The following MRC2 variants were observed in gnomAD, a reference collection of about 807,000 sequenced individuals.
MRC2 encodes C-type mannose receptor 2.
In MRC2, 84 loss-of-function variants were observed where a neutral mutation model predicts 206.2. That is an observed-to-expected ratio of 0.41 (90% CI 0.34 to 0.49). The LOEUF (loss-of-function observed/expected upper bound fraction) is 0.49. Ranked by LOEUF, MRC2 falls within the 20% of genes least tolerant of loss-of-function variation. The pLI, the probability that MRC2 is intolerant of heterozygous loss-of-function variation, is 0.31. For synonymous variants in MRC2, 798 were observed against 800.0 expected (o/e 1.00, Z 0.04); for missense variants, 1,676 against 2,001.5 (o/e 0.84, Z 3.10).
intron 1 of MRC2, among the ~76,000 whole-genome samples, chr17:62,658,711 G>A (rs1002152419): frequency 6.6e-6 from 1 of 152,178 alleles, no homozygotes; most frequent in Non-Finnish European, 1.5e-5. Context: ...TTTGGGCTTC[G>A]TTTTCCAGTC....
chr17:62,692,228 C>T lies in MRC2; in HGVS notation c.4220-3C>T. ...GGCCTTTCACGCCCACTCGCCTTGG[C>T]AGCGCTTCCAGAGAACCCAGCGGCC... On this transcript the variant is annotated splice_region_variant and splice_polypyrimidine_tract_variant and intron_variant, in intron 29 of 29. Coordinates refer to ENST00000303375, the MANE Select transcript of MRC2 (RefSeq NM_006039.5). The surrounding 1 kb of genome is among the most constrained non-coding windows in gnomAD (Gnocchi z 4.2). 1 of 1,611,896 alleles carries T rather than the reference C, an allele frequency of 6.2e-7. No homozygotes were observed. Among genetic ancestry groups the T allele is most frequent in the Non-Finnish European group, 8.5e-7 (1 of 1,178,732 alleles).
chr17:62,665,990 C>A (rs535640656), intron 2 of MRC2, 104 bp from the exon 3 acceptor site: 2 of 1,219,088 alleles, frequency 1.6e-6, no homozygotes, highest in South Asian at 3.1e-5. Flanking sequence ...TCCCTGTGAA[C>A]ACCCAGCACT....
At chr17:62,634,201 C>T (rs1033841375) in intron 1 of MRC2, among the ~76,000 whole-genome samples, 1 of 152,120 alleles carries the variant, frequency 6.6e-6, no homozygotes, top group Non-Finnish European at 1.5e-5. Flanking sequence ...TTGACGTTGC[C>T]ATGACATTTG....
rs1016010694 is a variant in MRC2, at chr17:62,671,761, T to C, written c.1230T>C (p.Cys410=). The part of the protein sequence containing the change: ...KRSWQESKKA[C]LRGGGDLVSI... ...GCTGGCAGGAGTCCAAGAAGGCATG[T>C]CTACGGGGCGGTGGCGACCTGGTCA... The change falls in exon 7 of 30, where the codon TGT becomes TGC. Residue 410 remains cysteine (C), a synonymous_variant. Coordinates refer to ENST00000303375, the MANE Select transcript of MRC2 (RefSeq NM_006039.5). The surrounding 1 kb of genome is among the most constrained non-coding windows in gnomAD (Gnocchi z 4.5). The C allele has an allele frequency of 3.7e-6, 6 of 1,613,070 alleles. No individual in the cohort carries two copies. The highest frequency in any genetic ancestry group is 1.6e-4 in the Middle Eastern group (1 of 6,074).
Position 62,676,473 on chromosome 17 carries a change from C to T in MRC2, c.1776C>T (p.Ser592=), listed in dbSNP as rs1254445282. The T allele has an allele frequency of 1.2e-6, 2 of 1,613,224 alleles. No homozygotes were observed. Among genetic ancestry groups the T allele is most frequent in the Non-Finnish European group, 1.7e-6 (2 of 1,179,600 alleles). Residue 592 remains serine, a synonymous_variant, in exon 11 of 30, where the codon TCC becomes TCT. Coordinates refer to ENST00000303375, the MANE Select transcript of MRC2 (RefSeq NM_006039.5). The stretch of plus-strand genomic sequence containing the variant: ...TGCAGGACCTCAACAGCACCGGCTC[C>T]TTCTTCTGGCTCAGTGGGGATGAAG... ...TALQDLNSTG[S]FFWLSGDEVM...
intron 1 of MRC2, among the ~76,000 whole-genome samples, chr17:62,654,546 C>T (rs191431366): frequency 3.4e-4 from 51 of 152,222 alleles, no homozygotes; most frequent in Non-Finnish European, 5.4e-4. Context: ...GGTCAGACCT[C>T]TGGCTGCCTC....
Position 62,667,608 on chromosome 17 carries a change from C to T in MRC2, c.1117+75C>T. On this transcript the variant is annotated intron_variant, in intron 6 of 29. Transcript: ENST00000303375. This position sits in a 1 kb window ranked among gnomAD's most constrained non-coding sequence, Gnocchi z 4.1. ...GACACAGCCACAGAGCCGTGGCAGG[C>T]CCAGCCTCTCCTCCGGTTACCACCA... 2 of 1,481,946 alleles carry T rather than the reference C, an allele frequency of 1.3e-6. No homozygotes were observed. Among genetic ancestry groups the T allele is most frequent in the Admixed American group, 2.5e-5 (1 of 39,582 alleles). The allele number at this position is 1,481,946 out of a possible 1,614,324, so 91.8% of individuals were successfully genotyped here. A position where few individuals can be genotyped will look rare whatever the true frequency, so the allele number is the denominator to read the frequency against.
chr17:62,631,457 G>A (rs541480801), intron 1 of MRC2, among the ~76,000 whole-genome samples: 3 of 152,218 alleles, frequency 2.0e-5, no homozygotes, highest in South Asian at 4.1e-4. Context: ...GAGTGGTTAC[G>A]GAGCCTGAAC....
In MRC2 at chr17:62,627,905, G is replaced by C; in HGVS notation, c.103G>C (p.Asp35His). Residue 35 changes from aspartate (D) to histidine (H), a missense_variant, in exon 1 of 30, where the codon GAC (aspartate) becomes CAC (histidine). Physicochemically the swap from Asp to His is moderately conservative, Grantham distance 81 (BLOSUM62 -1). Around this residue, in one of 3 missense-constraint regions of MRC2, gnomAD observed 318 missense variants for 346.7 expected, o/e 0.92. Coordinates refer to ENST00000303375, the MANE Select transcript of MRC2 (RefSeq NM_006039.5). ...CCTCGGCCGTCCCGGCGCCCCTGGG[G>C]ACGCCGCCCTCCCGGGTAAGGCGCT... ...LHLGRPGAPG[D>H]AALPEPNVFL... 6.8e-7 allele frequency: 1 copy of C among 1,465,890 alleles called. No individual in the cohort carries two copies. The highest frequency in any genetic ancestry group is 2.5e-5 in the Admixed American group (1 of 39,720). The allele number at this position is 1,465,890 out of a possible 1,614,324, so 90.8% of individuals were successfully genotyped here.
At chr17:62,679,592 TCCAGCTCTCC>T in intron 13 of MRC2, 198 bp from the exon 14 acceptor site, 1 of 450,062 alleles carries the variant, frequency 2.2e-6, no homozygotes, top group Admixed American at 3.9e-5. Context: ...GATGGCTTGG[TCCAGCTCTCC>T]CCAGCTCTGT....
chr17:62,645,041 A>G (rs2088458507), intron 1 of MRC2, among the ~76,000 whole-genome samples: 1 of 152,198 alleles, frequency 6.6e-6, no homozygotes. Context: ...TTTTATAAAC[A>G]TGAAATGACA....
Position 62,664,425 on chromosome 17 carries a change from C to G in MRC2, c.119-123C>G. ...TGGTAGTGAGTACCGAGTGATTTAA[C>G]GTATGAGTGACGGCTCACCATCCTG... is the stretch of plus-strand genomic sequence containing the variant. On this transcript the variant is annotated intron_variant, in intron 1 of 29. Transcript: ENST00000303375. This position sits in a 1 kb window ranked among gnomAD's most constrained non-coding sequence, Gnocchi z 4.7. 1 of 1,103,736 alleles carries G rather than the reference C, an allele frequency of 9.1e-7. No individual in the cohort carries two copies. Among genetic ancestry groups the G allele is most frequent in the Non-Finnish European group, 1.3e-6 (1 of 767,210 alleles). The allele number at this position is 1,103,736 out of a possible 1,614,324, so 68.4% of individuals were successfully genotyped here.
chr17:62,680,713 C>A lies in MRC2; in HGVS notation c.2474-87C>A. On this transcript the variant is annotated intron_variant, in intron 16 of 29. Transcript: ENST00000303375. The surrounding 1 kb of genome is among the most constrained non-coding windows in gnomAD (Gnocchi z 4.8). ...CAGGCTCGCCTGCTGCCGCCTGGCT[C>A]TGCCCCGGCCCTGCCGCGCCCGCCT... 2.9e-6 allele frequency: 4 copies of A among 1,379,012 alleles called. No homozygotes were observed. The highest frequency in any genetic ancestry group is 3.8e-6 in the Non-Finnish European group (4 of 1,066,224). 85.4% of individuals were successfully genotyped at this position (1,379,012 alleles called of 1,614,324 possible).
chr17:62,680,006 C>A lies in MRC2; in HGVS notation c.2298+104C>A. 1 of 1,450,038 alleles carries A rather than the reference C, an allele frequency of 6.9e-7. No individual in the cohort carries two copies. Among genetic ancestry groups the A allele is most frequent in the South Asian group, 1.3e-5 (1 of 75,346 alleles). The allele number at this position is 1,450,038 out of a possible 1,614,324, so 89.8% of individuals were successfully genotyped here. A position where few individuals can be genotyped will look rare whatever the true frequency, so the allele number is the denominator to read the frequency against. The stretch of plus-strand genomic sequence containing the variant: ...TGGGCGGGTTTTCTTGAGGGCCGGG[C>A]CCCCAGTCGGAGCCGGCTTCAGGAA... On this transcript the variant is annotated intron_variant, in intron 14 of 29. Coordinates refer to ENST00000303375, the MANE Select transcript of MRC2 (RefSeq NM_006039.5). This position sits in a 1 kb window ranked among gnomAD's most constrained non-coding sequence, Gnocchi z 4.8.
chr17:62,649,183 C>T (rs2088525906), intron 1 of MRC2, among the ~76,000 whole-genome samples: 1 of 152,236 alleles, frequency 6.6e-6, no homozygotes, highest in Non-Finnish European at 1.5e-5. Flanking sequence ...GAGGTGGGGG[C>T]AGGCCCGGCT....
chr17:62,678,419 T>TA, intron 12 of MRC2, 85 bp from the exon 13 acceptor site: 1 of 1,537,794 alleles, frequency 6.5e-7, no homozygotes, highest in Non-Finnish European at 8.7e-7. Context: ...AGGCCCCTCC[T>TA]CTGCCATGGT....
intron 1 of MRC2, among the ~76,000 whole-genome samples, chr17:62,649,641 G>A (rs1243088570): frequency 6.6e-6 from 1 of 152,104 alleles, no homozygotes; most frequent in Non-Finnish European, 1.5e-5. Flanking sequence ...ATCTTTGAAT[G>A]TTGCCATGTC....
At chr17:62,681,347 T>A in intron 18 of MRC2, 2 of 603,334 alleles carry the variant, frequency 3.3e-6, no homozygotes, top group South Asian at 2.0e-5. Context: ...AAATAACATA[T>A]GCGAAGTGCT....
At position 62,680,447 on chromosome 17, in the gene MRC2, C is replaced by G. The variant is rs1403985071; in HGVS notation, c.2467C>G (p.Pro823Ala). 6.2e-7 allele frequency: 1 copy of G among 1,613,974 alleles called. No homozygotes were observed. The highest frequency in any genetic ancestry group is 1.3e-5 in the African/African-American group (1 of 74,942). Residue 823 changes from proline to alanine, a missense_variant, in exon 16 of 30, where the codon CCT becomes GCT. By Grantham distance (27) the Pro-to-Ala change is conservative (BLOSUM62 -1). Around this residue, in one of 3 missense-constraint regions of MRC2, gnomAD observed 1,354 missense variants for 1,636.6 expected, o/e 0.83. Transcript: ENST00000303375. The surrounding 1 kb of genome is among the most constrained non-coding windows in gnomAD (Gnocchi z 4.8). ...GTDVREPDDS[P>A]QGRREWLRFQ... ...GGACGTGCGGGAGCCCGACGACAGC[C>G]CTCAAGGTGAGCACCCCCCAGCCCA...
Sources: gnomAD v4.1 joint callset for allele counts (sites outside exome capture counted in the v4.1 genomes callset) on GRCh38, gnomAD v4.1.1 for gene constraint, gnomAD v4.1.1 regional missense constraint, Gnocchi (gnomAD v3.1) non-coding constraint, MANE v1.5 for transcripts, NCBI Gene and HGNC (gene_info 2026-07-23, HGNC 2026-07-21) for gene names.